The following ME3 variants were observed in gnomAD, a reference collection of about 807,000 sequenced individuals.
The protein encoded by ME3 is malic enzyme 3, also known as NADP-dependent malic enzyme, mitochondrial.
A neutral mutation model predicts 68.9 loss-of-function variants in ME3; 48 were observed. That is an observed-to-expected ratio of 0.70 (90% CI 0.55 to 0.89). The LOEUF is 0.89. Among genes scored for constraint, ME3 ranks in the 40% least tolerant of loss-of-function variants. The pLI, the probability that ME3 is intolerant of heterozygous loss-of-function variation, is 0.00. For synonymous variants in ME3, 320 were observed against 318.8 expected (o/e 1.00, Z -0.04); for missense variants, 675 against 797.4 (o/e 0.85, Z 1.85).
chr11:86,657,263 A>G (rs1463714103), intron 2 of ME3, among the ~76,000 whole-genome samples: 1 of 152,202 alleles, frequency 6.6e-6, no homozygotes, highest in Non-Finnish European at 1.5e-5. Flanking sequence ...TGTGGCACAT[A>G]TACACCATGG....
intron 2 of ME3, among the ~76,000 whole-genome samples, chr11:86,568,303 C>G (rs1280006213): frequency 1.3e-5 from 2 of 152,134 alleles, no homozygotes; most frequent in Admixed American, 6.5e-5. Context: ...TCTGGATTCT[C>G]CCAGGGAACC....
At chr11:86,439,642 G>T (rs1310873429), downstream of ME3, among the ~76,000 whole-genome samples, 2 of 151,194 alleles carry the variant, frequency 1.3e-5, no homozygotes, top group Non-Finnish European at 2.9e-5. Flanking sequence ...CTGGCAAGAT[G>T]TTCAGTGTGG....
chr11:86,465,338 C>T, intron 7 of ME3, 138 bp from the exon 8 acceptor site: 1 of 678,014 alleles, frequency 1.5e-6, no homozygotes, highest in South Asian at 1.6e-5. Flanking sequence ...GTGTTTTTGC[C>T]ACTGGTTGGC....
At chr11:86,495,155 G>A (rs900745876) in intron 6 of ME3, among the ~76,000 whole-genome samples, 3 of 152,160 alleles carry the variant, frequency 2.0e-5, no homozygotes, top group South Asian at 2.1e-4. Context: ...TAGCCCTGCC[G>A]CTTCTAGCAG....
rs1462567901 is a variant in ME3, at chr11:86,581,130, C to G, written c.184-21307G>C. 3.3e-5 allele frequency among the ~76,000 whole-genome samples: 5 copies of G among 152,062 alleles called. No individual in the cohort carries two copies. The East Asian group carries it at 9.6e-4, about 29-fold the overall frequency. ...TGAAATAGTAAGGAGAAACCAACAT[C>G]TAAAAAAATATATAGATTTCAGTAG... On this transcript the variant is annotated intron_variant, in intron 2 of 14. Coordinates refer to ENST00000543262, the Ensembl canonical transcript of ME3.
intron 5 of ME3, among the ~76,000 whole-genome samples, chr11:86,506,416 C>G (rs1462589282): frequency 6.6e-6 from 1 of 152,180 alleles, no homozygotes; most frequent in Non-Finnish European, 1.5e-5. Flanking sequence ...AATTTGAGGG[C>G]AGAGTCCATG....
At chr11:86,606,930 G>A (rs1327055798) in intron 2 of ME3, among the ~76,000 whole-genome samples, 1 of 152,152 alleles carries the variant, frequency 6.6e-6, no homozygotes, top group African/African-American at 2.4e-5. Flanking sequence ...ATTCATTCAG[G>A]ATTCAATGCC....
At chr11:86,591,646 A>G (rs1235770176) in intron 2 of ME3, among the ~76,000 whole-genome samples, 2 of 152,214 alleles carry the variant, frequency 1.3e-5, no homozygotes, top group Non-Finnish European at 2.9e-5. Context: ...CAAAATAAAG[A>G]GGTTTAATGG....
chr11:86,498,921 T>A (rs1952539889), intron 5 of ME3, among the ~76,000 whole-genome samples: 1 of 152,178 alleles, frequency 6.6e-6, no homozygotes, highest in Non-Finnish European at 1.5e-5. Context: ...TTTGCACATC[T>A]ACAAAAGCAA....
At chr11:86,472,811 A>G (rs614995) in intron 7 of ME3, among the ~76,000 whole-genome samples, 53,219 of 152,100 alleles carry the variant, frequency 0.35, 9,505 homozygotes, top group African/African-American at 0.38. Flanking sequence ...TAGACCAGAT[A>G]TGGAGATGAA....
chr11:86,655,411 T>C (rs1349638366), intron 2 of ME3, among the ~76,000 whole-genome samples: 2 of 152,090 alleles, frequency 1.3e-5, no homozygotes, highest in African/African-American at 4.8e-5. Context: ...TATAGATCAA[T>C]GGAACAGAAC....
At chr11:86,467,693 TCACACA>T (rs368384131) in intron 7 of ME3, among the ~76,000 whole-genome samples, 2 of 143,332 alleles carry the variant, frequency 1.4e-5, no homozygotes, top group East Asian at 2.0e-4. Flanking sequence ...TCTCTCTCTC[TCACACA>T]CACACACACA....
chr11:86,655,506 C>A (rs1945801109), intron 2 of ME3, among the ~76,000 whole-genome samples: 3 of 152,172 alleles, frequency 2.0e-5, no homozygotes, highest in African/African-American at 7.2e-5. Flanking sequence ...GAAAGGATTC[C>A]CTATTTAATA....
chr11:86,467,538 A>C (rs1486347087), intron 7 of ME3, among the ~76,000 whole-genome samples: 1 of 152,094 alleles, frequency 6.6e-6, no homozygotes, highest in African/African-American at 2.4e-5. Flanking sequence ...TGCTATATAT[A>C]ATTTCTACAA....
intron 7 of ME3, among the ~76,000 whole-genome samples, chr11:86,466,567 G>T (rs1241890403): frequency 6.6e-6 from 1 of 152,182 alleles, no homozygotes; most frequent in Non-Finnish European, 1.5e-5. Flanking sequence ...TGCTCTCGGG[G>T]CATCTTTCTG....
intron 3 of ME3, 88 bp downstream of exon 3, chr11:86,559,602 A>G: frequency 1.4e-6 from 2 of 1,449,098 alleles, no homozygotes; most frequent in Middle Eastern, 2.5e-4. Flanking sequence ...TTTTAGCTGG[A>G]GAGTTTCCAG....
chr11:86,609,231 G>A (rs147875879), intron 2 of ME3, among the ~76,000 whole-genome samples: 21 of 152,280 alleles, frequency 1.4e-4, no homozygotes, highest in African/African-American at 4.8e-4. Context: ...TTAATGAGTA[G>A]TCCCAGGTAC....
chr11:86,626,194 C>T (rs986479498), intron 2 of ME3, among the ~76,000 whole-genome samples: 2 of 152,230 alleles, frequency 1.3e-5, no homozygotes, highest in East Asian at 3.9e-4. Context: ...CCCTGTAAAC[C>T]ACATTGCAAA....
chr11:86,507,810 C>T (rs1218782103), intron 5 of ME3, among the ~76,000 whole-genome samples: 1 of 152,088 alleles, frequency 6.6e-6, no homozygotes, highest in Non-Finnish European at 1.5e-5. Flanking sequence ...TGGCAAAACC[C>T]TATCTCTGCA....
Sources: allele counts gnomAD v4.1 joint callset (sites outside exome capture counted in the v4.1 genomes callset), GRCh38; gene constraint gnomAD v4.1.1; transcripts MANE v1.5; gene names NCBI Gene and HGNC (gene_info 2026-07-23, HGNC 2026-07-21).